TEKT3: variants seen among roughly 807,000 people sequenced by gnomAD.
The protein encoded by TEKT3 is tektin-3.
Under a neutral mutation model 49.8 loss-of-function variants are expected in TEKT3, and 49 were observed. That is an observed-to-expected ratio of 0.98 (90% confidence interval 0.78 to 1.25). The LOEUF (loss-of-function observed/expected upper bound fraction) is 1.25, where lower values mean the gene tolerates loss of function less well. Ranked by LOEUF, TEKT3 falls within the 50% of genes most tolerant of loss-of-function variation. The pLI, the probability that TEKT3 is intolerant of heterozygous loss-of-function variation, is 0.00. For missense variants in TEKT3, 595 were observed against 629.5 expected, an observed-to-expected ratio of 0.95 and a Z score of 0.59; for synonymous variants, 225 against 237.2, an observed-to-expected ratio of 0.95 and a Z score of 0.47.
In TEKT3 at chr17:15,308,553, A is replaced by G. The variant is rs1910633230; in HGVS notation, c.1256+111T>C. ...CTCCCCATTACTACCATTCTCACAG[A>G]AGGCTCCTACATGCTGCGTATGGGC... On this transcript the variant is annotated intron_variant, in intron 8 of 8. Transcript: ENST00000395930. 12 of 1,401,854 alleles carry G rather than the reference A, an allele frequency of 8.6e-6. No homozygotes were observed. In the South Asian group the frequency reaches 1.5e-4, roughly 17 times the overall value. The allele number at this position is 1,401,854 out of a possible 1,614,324, so 86.8% of individuals were successfully genotyped here.
intron 2 of TEKT3, among the ~76,000 whole-genome samples, chr17:15,337,571 C>T (rs964313081): frequency 6.6e-6 from 1 of 152,140 alleles, no homozygotes; most frequent in African/African-American, 2.4e-5. Flanking sequence ...GGGCTGGGCA[C>T]GGTGGCTCAC....
At chr17:15,333,954 G>A (rs1018955383) in intron 2 of TEKT3, among the ~76,000 whole-genome samples, 5 of 151,568 alleles carry the variant, frequency 3.3e-5, no homozygotes, top group Admixed American at 6.6e-5. Flanking sequence ...TAGTAGAGTC[G>A]GGGTTTCACC....
chr17:15,320,963 A>T (rs1318005402), intron 4 of TEKT3, among the ~76,000 whole-genome samples: 1 of 152,160 alleles, frequency 6.6e-6, no homozygotes, highest in Non-Finnish European at 1.5e-5. Flanking sequence ...AGTGAGGGAA[A>T]AAAAATGCAT....
At chr17:15,312,792 A>T (rs1910827124) in intron 6 of TEKT3, among the ~76,000 whole-genome samples, 1 of 152,278 alleles carries the variant, frequency 6.6e-6, no homozygotes, top group Non-Finnish European at 1.5e-5. Context: ...ATCAATAAGC[A>T]TATGACAAAA....
rs1364277466 is a variant in TEKT3, at chr17:15,304,101, C to CT, written c.1307dup (p.Arg437AlafsTer22). ...GGGTGTCCTCTGCATCCCTCAGGCG[C>CT]TGCTGCAGGGTCTGGATGGTGTCGT... On this transcript the variant is annotated frameshift_variant, in exon 9 of 9. Coordinates refer to ENST00000395930, the MANE Select transcript of TEKT3 (RefSeq NM_031898.3). LOFTEE classifies it high-confidence loss of function. This position sits in a 1 kb window ranked among gnomAD's most constrained non-coding sequence, Gnocchi z 4.7. 6.2e-7 allele frequency: 1 copy of CT among 1,614,174 alleles called. No homozygotes were observed. Among genetic ancestry groups the CT allele is most frequent in the Non-Finnish European group, 8.5e-7 (1 of 1,180,040 alleles).
At chr17:15,338,511 T>TC (rs1173270868) in intron 2 of TEKT3, 1 of 150,742 alleles carries the variant, frequency 6.6e-6, no homozygotes, top group East Asian at 1.9e-4. Context: ...TCAATTCTTT[T>TC]TTTTTTTTTT....
At chr17:15,334,256 A>G (rs1418824502) in intron 2 of TEKT3, among the ~76,000 whole-genome samples, 1 of 151,660 alleles carries the variant, frequency 6.6e-6, no homozygotes, top group African/African-American at 2.4e-5. Context: ...AGGTTTCACT[A>G]TGTTGCCCAG....
intron 2 of TEKT3, among the ~76,000 whole-genome samples, chr17:15,334,075 T>G (rs1911891745): frequency 6.6e-6 from 1 of 151,656 alleles, no homozygotes; most frequent in Non-Finnish European, 1.5e-5. Flanking sequence ...TTTATTTTAT[T>G]TTCAGAGACA....
chr17:15,310,971 G>T (rs1006460866), intron 7 of TEKT3: 4 of 152,038 alleles, frequency 2.6e-5, no homozygotes, highest in Non-Finnish European at 5.9e-5. Context: ...TGTCTCCAAG[G>T]CTTTCTTCAA....
At chr17:15,308,035 G>C (rs1211448532) in intron 8 of TEKT3, among the ~76,000 whole-genome samples, 2 of 152,130 alleles carry the variant, frequency 1.3e-5, no homozygotes, top group African/African-American at 4.8e-5. Context: ...GTATATATAG[G>C]AGCTGTGCTC....
rs747059678 is a variant in TEKT3, at chr17:15,312,425, TG to T, written c.934del (p.Gln312ArgfsTer10). The T allele has an allele frequency of 6.6e-5, 106 of 1,614,078 alleles. No homozygotes were observed. The Admixed American group carries it at 8.5e-4, about 13-fold the overall frequency. On this transcript the variant is annotated frameshift_variant, in exon 7 of 9. Transcript: ENST00000395930. LOFTEE classifies it high-confidence loss of function. ...CTTAGCGGAAGCTGCCCGTTCACTC[TG>T]GGAGCGGAGAATATTGTCATCTGTA... ...KFTDDNILRS[Q>X]SERAASAKLR...
intron 5 of TEKT3, 24 bp downstream of exon 5, chr17:15,319,053 T>C (rs570443858): frequency 1.3e-6 from 2 of 1,567,666 alleles, no homozygotes; most frequent in Admixed American, 2.0e-5. Context: ...GATTTTGAAT[T>C]GTATAGAGAC....
chr17:15,305,524 T>C (rs1408605920), intron 8 of TEKT3, among the ~76,000 whole-genome samples: 1 of 152,102 alleles, frequency 6.6e-6, no homozygotes, highest in East Asian at 1.9e-4. Flanking sequence ...GGGTATAAAA[T>C]ATCACTAGCA....
chr17:15,319,679 C>T (rs890485616), intron 4 of TEKT3, among the ~76,000 whole-genome samples: 20 of 152,300 alleles, frequency 1.3e-4, no homozygotes, highest in African/African-American at 4.8e-4. Flanking sequence ...TGTACTGCAG[C>T]CCAGCTCCTG....
At chr17:15,338,612 C>T (rs12941748) in intron 2 of TEKT3, 1 of 148,226 alleles carries the variant, frequency 6.7e-6, no homozygotes, top group Non-Finnish European at 1.5e-5. Context: ...TCACGCCATT[C>T]TCCTGCCTCA....
At chr17:15,310,363 C>A (rs984542369) in intron 7 of TEKT3, among the ~76,000 whole-genome samples, 1 of 152,032 alleles carries the variant, frequency 6.6e-6, no homozygotes, top group Non-Finnish European at 1.5e-5. Flanking sequence ...TGTTGAAGTA[C>A]GAATCGCCAG....
intron 8 of TEKT3, among the ~76,000 whole-genome samples, chr17:15,305,882 C>T (rs950931955): frequency 1.3e-4 from 19 of 151,936 alleles, no homozygotes; most frequent in African/African-American, 4.6e-4. Context: ...AACATGCTTC[C>T]ACTTCTCTCA....
chr17:15,309,167 C>T (rs559444699), intron 7 of TEKT3, among the ~76,000 whole-genome samples: 2 of 152,118 alleles, frequency 1.3e-5, no homozygotes, highest in South Asian at 4.1e-4. Context: ...CCCCAATGGC[C>T]GTTGTTAATT....
At chr17:15,310,988 G>A (rs1398718754) in intron 7 of TEKT3, 3 of 152,056 alleles carry the variant, frequency 2.0e-5, no homozygotes, top group Non-Finnish European at 4.4e-5. Context: ...TCAAGATGTG[G>A]CCCCACCTGG....
Sources: gnomAD v4.1 joint callset for allele counts (sites outside exome capture counted in the v4.1 genomes callset) on GRCh38, gnomAD v4.1.1 for gene constraint, Gnocchi (gnomAD v3.1) non-coding constraint, MANE v1.5 for transcripts, NCBI Gene and HGNC (gene_info 2026-07-23, HGNC 2026-07-21) for gene names.